Variants in METTL16 observed in about 807,000 individuals in gnomAD.
The protein encoded by METTL16 is methyltransferase 16, RNA N6-adenosine.
METTL16 carries 19 observed loss-of-function variants against 57.9 expected under a neutral mutation model. The observed-to-expected ratio is 0.33, with a 90% CI of 0.23 to 0.48. The LOEUF is 0.48. METTL16 is among the 20% of genes least tolerant of loss of function. The pLI, the probability that METTL16 is intolerant of heterozygous loss-of-function variation, is 0.99. For missense variants in METTL16, 434 were observed against 691.5 expected (o/e 0.63, Z 4.18); for synonymous variants, 246 against 255.6 (o/e 0.96, Z 0.36).
rs139214398 is a variant in METTL16, at chr17:2,433,830, G to A, written c.888+4279C>T. Among the ~76,000 whole-genome samples the A allele has an allele frequency of 4.6e-5, 7 of 152,224 alleles. No individual in the cohort carries two copies. The East Asian group carries it at 7.7e-4, about 17-fold the overall frequency. On this transcript the variant is annotated intron_variant, in intron 8 of 9. Transcript: ENST00000263092. Reference sequence around the variant, plus strand: ...ACAAACACTGGGAACGCCACCCACCGACCTACGAGTCAGACGCTGGCGACT... The same window carrying A: ...ACAAACACTGGGAACGCCACCCACCAACCTACGAGTCAGACGCTGGCGACT...
At chr17:2,436,322 C>T (rs2066908394) in intron 8 of METTL16, among the ~76,000 whole-genome samples, 2 of 152,104 alleles carry the variant, frequency 1.3e-5, no homozygotes, top group African/African-American at 4.8e-5. Flanking sequence ...ACTGCACTGT[C>T]CAGGAGTCTA....
At chr17:2,505,262 GT>G (rs1231073281) in intron 1 of METTL16, among the ~76,000 whole-genome samples, 14 of 151,274 alleles carry the variant, frequency 9.3e-5, no homozygotes, top group African/African-American at 2.9e-4. Context: ...ACAATATTAT[GT>G]TAGCCAAAAA....
chr17:2,454,729 T>A (rs1203517334), intron 6 of METTL16, among the ~76,000 whole-genome samples: 1 of 151,112 alleles, frequency 6.6e-6, no homozygotes, highest in Non-Finnish European at 1.5e-5. Flanking sequence ...CATGCCCAGC[T>A]AATTTTTGTA....
At position 2,426,661 on chromosome 17, in the gene METTL16, G is replaced by C. The variant is rs541890278; in HGVS notation, c.889-5757C>G. Among the ~76,000 whole-genome samples, 6 of 148,692 alleles carry C rather than the reference G, an allele frequency of 4.0e-5. No homozygotes were observed. The Admixed American group carries it at 4.1e-4, about 10-fold the overall frequency. On this transcript the variant is annotated intron_variant, in intron 8 of 9. Coordinates refer to ENST00000263092, the MANE Select transcript of METTL16 (RefSeq NM_024086.4). ...GGAGAATTGCTCGAACCAGGGAGTC[G>C]GAGGTTGCAGTGAGCCGAGATCACG...
chr17:2,440,994 A>AAAAAAG (rs1555616313), intron 7 of METTL16, among the ~76,000 whole-genome samples: 145 of 118,634 alleles, frequency 1.2e-3, no homozygotes, highest in African/African-American at 1.6e-3. Context: ...AAAAAAAAAA[A>AAAAAAG]AAGAAGAAGA....
intron 8 of METTL16, among the ~76,000 whole-genome samples, chr17:2,427,636 G>T (rs1013260777): frequency 6.6e-6 from 1 of 151,920 alleles, no homozygotes; most frequent in Non-Finnish European, 1.5e-5. Context: ...AAGAGATAGG[G>T]TCTTCTGTGT....
intron 2 of METTL16, among the ~76,000 whole-genome samples, chr17:2,481,230 A>C (rs1322061999): frequency 1.3e-5 from 2 of 148,170 alleles, no homozygotes; most frequent in Non-Finnish European, 3.0e-5. Flanking sequence ...AACAATGACA[A>C]AAAAAAAAAA....
chr17:2,422,853 C>T (rs1037849251), intron 8 of METTL16, among the ~76,000 whole-genome samples: 6 of 151,828 alleles, frequency 4.0e-5, no homozygotes, highest in African/African-American at 4.8e-5. Flanking sequence ...GTGTGGTGGC[C>T]GCGCCTGTAA....
intron 2 of METTL16, among the ~76,000 whole-genome samples, chr17:2,497,932 C>T (rs562191261): frequency 8.6e-5 from 13 of 151,768 alleles, no homozygotes; most frequent in East Asian, 1.9e-4. Context: ...CGGTGGCTCA[C>T]GCCTGTAATC....
intron 8 of METTL16, among the ~76,000 whole-genome samples, chr17:2,425,693 C>CT (rs966747395): frequency 0.013 from 1,964 of 146,748 alleles, 45 homozygotes; most frequent in African/African-American, 0.044. Context: ...CTTTTCTTGT[C>CT]TTTTTTTTTT....
At chr17:2,455,087 C>CTTTTTTT (rs954892604) in intron 6 of METTL16, 1 of 111,436 alleles carries the variant, frequency 9.0e-6, no homozygotes, top group African/African-American at 4.0e-5. Flanking sequence ...TGCCCAGGTA[C>CTTTTTTT]TTTTTTTTTT....
chr17:2,446,076 C>T (rs1012458127), intron 6 of METTL16, among the ~76,000 whole-genome samples: 1 of 152,090 alleles, frequency 6.6e-6, no homozygotes, highest in African/African-American at 2.4e-5. Context: ...CAAAACTCAT[C>T]ATTCATGATT....
chr17:2,437,245 ATAATGATC>A (rs1473186229), intron 8 of METTL16, among the ~76,000 whole-genome samples: 1 of 152,202 alleles, frequency 6.6e-6, no homozygotes, highest in African/African-American at 2.4e-5. Context: ...ATAGAAAGGA[ATAATGATC>A]TATCACCCAG....
In METTL16 at chr17:2,420,363, A is replaced by C. The variant is rs1232304180; in HGVS notation, c.1296T>G (p.Cys432Trp). Residue 432 changes from cysteine (C) to tryptophan (W), a missense_variant, in exon 10 of 10, where the codon TGT becomes TGG. This residue lies in a region of METTL16 where 168 missense variants were observed against 149.6 expected (regional missense o/e 1.12). Coordinates refer to ENST00000263092, the MANE Select transcript of METTL16 (RefSeq NM_024086.4). This position sits in a 1 kb window ranked among gnomAD's most constrained non-coding sequence, Gnocchi z 5.4. ...LARGPQERTP[C>W]GPALREGEAA... ...CCTCGCCTTCCCGCAGAGCAGGCCC[A>C]CAGGGGGTCCTCTCCTGGGGGCCCC... 1.9e-6 allele frequency: 3 copies of C among 1,612,190 alleles called. No individual in the cohort carries two copies. Among genetic ancestry groups the C allele is most frequent in the Middle Eastern group, 3.3e-4 (2 of 6,060 alleles).
chr17:2,455,858 G>C (rs900995926), intron 6 of METTL16, among the ~76,000 whole-genome samples: 1 of 151,974 alleles, frequency 6.6e-6, no homozygotes, highest in Non-Finnish European at 1.5e-5. Context: ...TGTTGTGCAC[G>C]TATAGTCCTA....
At position 2,433,836 on chromosome 17, in the gene METTL16, C is replaced by T. The variant is rs557264152; in HGVS notation, c.888+4273G>A. Among the ~76,000 whole-genome samples the T allele has an allele frequency of 5.3e-5, 8 of 152,288 alleles. No individual in the cohort carries two copies. The East Asian group carries it at 9.6e-4, about 18-fold the overall frequency. On this transcript the variant is annotated intron_variant, in intron 8 of 9. Coordinates refer to ENST00000263092, the MANE Select transcript of METTL16 (RefSeq NM_024086.4). ...ACTGGGAACGCCACCCACCGACCTA[C>T]GAGTCAGACGCTGGCGACTCCTCCT...
intron 8 of METTL16, among the ~76,000 whole-genome samples, chr17:2,426,221 TG>T (rs1266073712): frequency 6.6e-6 from 1 of 152,050 alleles, no homozygotes; most frequent in Non-Finnish European, 1.5e-5. Context: ...CCCAGTGCAG[TG>T]GCCGTCTGTT....
At chr17:2,494,874 T>G (rs2067430984) in intron 2 of METTL16, among the ~76,000 whole-genome samples, 1 of 152,022 alleles carries the variant, frequency 6.6e-6, no homozygotes, top group Non-Finnish European at 1.5e-5. Context: ...GGCGTGCACC[T>G]GTAGTCCCAG....
At chr17:2,446,467 C>T (rs1185685683) in intron 6 of METTL16, among the ~76,000 whole-genome samples, 2 of 152,210 alleles carry the variant, frequency 1.3e-5, no homozygotes, top group African/African-American at 2.4e-5. Context: ...AGCAAGGCCA[C>T]AGAATGAAAG....
Sources: allele counts gnomAD v4.1 joint callset (sites outside exome capture counted in the v4.1 genomes callset), GRCh38; gene constraint gnomAD v4.1.1; regional missense constraint gnomAD v4.1.1; non-coding constraint Gnocchi (gnomAD v3.1); transcripts MANE v1.5; gene names NCBI Gene and HGNC (gene_info 2026-07-23, HGNC 2026-07-21).